Variants in INTS6 observed in about 807,000 individuals in gnomAD.
INTS6 encodes integrator complex subunit 6.
A neutral mutation model predicts 104.9 loss-of-function variants in INTS6; 16 were observed. The ratio of observed to expected loss-of-function variants is 0.15; its 90% confidence interval spans 0.10 to 0.23. INTS6 has a LOEUF of 0.23. Ranked by LOEUF, INTS6 falls within the 10% of genes least tolerant of loss-of-function variation. The pLI is 1.00. For missense variants in INTS6, 584 were observed against 1,062.8 expected, an observed-to-expected ratio of 0.55 and a Z score of 6.26; for synonymous variants, 324 against 358.7, an observed-to-expected ratio of 0.90 and a Z score of 1.09.
At chr13:51,422,320 A>G (rs1956909658) in intron 4 of INTS6, among the ~76,000 whole-genome samples, 2 of 152,184 alleles carry the variant, frequency 1.3e-5, no homozygotes, top group Admixed American at 1.3e-4. Context: ...TTATTTGAGA[A>G]TATGATTAAA....
chr13:51,339,219 A>G, the INTS6 span: 1 of 152,348 alleles, frequency 6.6e-6, no homozygotes, highest in East Asian at 1.9e-4. Context: ...ATCGTGCCAT[A>G]TCTTGCGTTG....
rs1051920942 is a variant in INTS6, at chr13:51,395,327, T to C, written c.586A>G (p.Ile196Val). 1.2e-6 allele frequency: 2 copies of C among 1,611,026 alleles called. No individual in the cohort carries two copies. ...LTGVPLDDSA[I>V]TPMCEVTGGR... ...CCTGTCACTTCACACATTGGTGTGA[T>C]TGCAGAGTCATCTAAAGGCACACCT... The change falls in exon 5 of 18, where the codon ATC becomes GTC. Residue 196 changes from isoleucine (I) to valine (V), a missense_variant. This residue lies in a region of INTS6 where 144 missense variants were observed against 348.7 expected (regional missense o/e 0.41). Coordinates refer to ENST00000311234, the MANE Select transcript of INTS6 (RefSeq NM_012141.3).
the INTS6 span, among the ~76,000 whole-genome samples, chr13:51,342,765 G>A: frequency 6.6e-6 from 1 of 152,180 alleles, no homozygotes; most frequent in Non-Finnish European, 1.5e-5. Flanking sequence ...CTTCTCTGCA[G>A]ACAGTCAACA....
At chr13:51,357,210 TAATC>T (rs1388566920), downstream of INTS6, among the ~76,000 whole-genome samples, 3 of 152,192 alleles carry the variant, frequency 2.0e-5, no homozygotes, top group Non-Finnish European at 2.9e-5. Context: ...TCTTTAAACA[TAATC>T]AAGAGACTAA....
downstream of INTS6, among the ~76,000 whole-genome samples, chr13:51,350,231 A>G (rs1296059762): frequency 1.3e-5 from 2 of 152,204 alleles, no homozygotes; most frequent in African/African-American, 4.8e-5. Flanking sequence ...GCACTAGTAG[A>G]TTCTGGACGA....
At chr13:51,386,494 A>T (rs1229461680) in intron 7 of INTS6, among the ~76,000 whole-genome samples, 1 of 152,166 alleles carries the variant, frequency 6.6e-6, no homozygotes, top group Admixed American at 6.5e-5. Context: ...ACTTCAATGA[A>T]ATTTAGAAAA....
intron 17 of INTS6, 142 bp downstream of exon 17, chr13:51,367,663 A>G (rs1955718968): frequency 2.0e-6 from 1 of 497,792 alleles, no homozygotes; most frequent in Non-Finnish European, 3.5e-6. Context: ...AAACTAAAAA[A>G]GAATAAGAAT....
chr13:51,355,224 T>TCCACAGAGCCTTCAGTGGTAAACAAG, intron 3 of INTS6: 1 of 623,516 alleles, frequency 1.6e-6, no homozygotes, highest in Admixed American at 3.1e-5. Context: ...GATTCTCATT[T>TCCACAGAGCCTTCAGTGGTAAACAAG]CAGAGTCAAC....
At chr13:51,414,869 C>CACAG (rs139817301) in intron 4 of INTS6, among the ~76,000 whole-genome samples, 7 of 150,590 alleles carry the variant, frequency 4.6e-5, no homozygotes, top group African/African-American at 1.5e-4. Flanking sequence ...CACACACACA[C>CACAG]AGTTCTAAGA....
chr13:51,418,896 C>G (rs1956844737), intron 4 of INTS6, among the ~76,000 whole-genome samples: 1 of 152,196 alleles, frequency 6.6e-6, no homozygotes, highest in South Asian at 2.1e-4. Flanking sequence ...GTACAACCAT[C>G]ACCACCATGC....
chr13:51,415,804 C>T (rs540231826), intron 4 of INTS6, among the ~76,000 whole-genome samples: 3 of 152,306 alleles, frequency 2.0e-5, no homozygotes, highest in Admixed American at 6.5e-5. Context: ...ACACACACTT[C>T]TGTGCAGATG....
Position 51,364,319 on chromosome 13 carries a change from T to A in INTS6, c.*1433A>T. 8.0e-7 allele frequency: 1 copy of A among 1,257,252 alleles called. No individual in the cohort carries two copies. Among genetic ancestry groups the A allele is most frequent in the Non-Finnish European group, 1.1e-6 (1 of 913,544 alleles). 77.9% of individuals were successfully genotyped at this position (1,257,252 alleles called of 1,614,324 possible). ...CCACTTTCATCAATGCTTTTCTTCA[T>A]AAAGTTATAATTTCATTTTGCTATA... On this transcript the variant is annotated 3_prime_UTR_variant, in exon 18 of 18. Coordinates refer to ENST00000311234, the MANE Select transcript of INTS6 (RefSeq NM_012141.3).
chr13:51,349,564 T>G (rs1417516430), downstream of INTS6, among the ~76,000 whole-genome samples: 1 of 152,210 alleles, frequency 6.6e-6, no homozygotes, highest in Non-Finnish European at 1.5e-5. Flanking sequence ...AGGAGGCTGG[T>G]GCGAGAATTC....
At chr13:51,426,505 T>C (rs1006996407) in intron 4 of INTS6, among the ~76,000 whole-genome samples, 1 of 152,076 alleles carries the variant, frequency 6.6e-6, no homozygotes, top group Non-Finnish European at 1.5e-5. Flanking sequence ...AAAATGCACA[T>C]TATACAAGAT....
the INTS6 span, among the ~76,000 whole-genome samples, chr13:51,345,808 G>A: frequency 4.5e-4 from 68 of 152,172 alleles, no homozygotes; most frequent in Middle Eastern, 3.2e-3. Context: ...GTGCTGCCAG[G>A]GCGTAAGGCC....
the INTS6 span, among the ~76,000 whole-genome samples, chr13:51,342,597 C>A: frequency 6.6e-6 from 1 of 152,098 alleles, no homozygotes; most frequent in Non-Finnish European, 1.5e-5. Flanking sequence ...AGATTTCACA[C>A]AAAAATTCAC....
chr13:51,443,009 C>T (rs766360589), intron 3 of INTS6: 1 of 152,128 alleles, frequency 6.6e-6, no homozygotes, highest in Non-Finnish European at 1.5e-5. Flanking sequence ...GCTTAGCTTT[C>T]AAACAAGAAC....
intron 3 of INTS6, among the ~76,000 whole-genome samples, chr13:51,436,183 A>G (rs1952682974): frequency 6.6e-6 from 1 of 152,144 alleles, no homozygotes; most frequent in South Asian, 2.1e-4. Context: ...GAAAGGAAGT[A>G]AACAATTGGG....
chr13:51,382,910 C>G (rs1043490066), intron 9 of INTS6, among the ~76,000 whole-genome samples: 1 of 151,814 alleles, frequency 6.6e-6, no homozygotes, highest in African/African-American at 2.4e-5. Context: ...AACCCTGTCT[C>G]TACTAAAAAT....
Sources: allele counts gnomAD v4.1 joint callset (sites outside exome capture counted in the v4.1 genomes callset), GRCh38; gene constraint gnomAD v4.1.1; regional missense constraint gnomAD v4.1.1; transcripts MANE v1.5; gene names NCBI Gene and HGNC (gene_info 2026-07-23, HGNC 2026-07-21).